PDS5A: variants seen among roughly 807,000 people sequenced by gnomAD.
PDS5A encodes the protein PDS5 cohesin associated factor A.
A neutral mutation model predicts 167.1 loss-of-function variants in PDS5A; 42 were observed. The ratio of observed to expected loss-of-function variants is 0.25; its 90% CI spans 0.20 to 0.33. The LOEUF (loss-of-function observed/expected upper bound fraction) is 0.33. PDS5A is among the 10% of genes least tolerant of loss of function. PDS5A has a pLI of 1.00. For synonymous variants in PDS5A, 553 were observed against 554.6 expected (o/e 1.00, Z 0.04); for missense variants, 1,033 against 1,605.9 (o/e 0.64, Z 6.10).
chr4:39,942,675 C>T (rs943496260), intron 2 of PDS5A, among the ~76,000 whole-genome samples: 7 of 152,112 alleles, frequency 4.6e-5, no homozygotes, highest in East Asian at 3.8e-4. Flanking sequence ...ATACACCTGC[C>T]GAGGCCTCCC....
chr4:39,952,725 A>ATTTTT (rs35943320), intron 2 of PDS5A, among the ~76,000 whole-genome samples: 1 of 128,268 alleles, frequency 7.8e-6, no homozygotes, highest in African/African-American at 2.9e-5. Context: ...CAGATCTGGA[A>ATTTTT]TTTTTTTTTT....
rs530938310 is a variant in PDS5A at position 39,845,885 on chromosome 4, TAA to T, written c.3340-7_3340-6del. ...ACTCTTATCGTTACAGAAGTCCTAT[TAA>T]AAAAAAAAAAGAAAAAGAAAAAAGA... On this transcript the variant is annotated splice_region_variant and splice_polypyrimidine_tract_variant and intron_variant, in intron 28 of 32. Transcript: ENST00000303538. The T allele has an allele frequency of 1.5e-4, 155 of 1,002,458 alleles. No homozygotes were observed. The highest frequency in any genetic ancestry group is 6.6e-4 in the South Asian group (27 of 40,930). 62.1% of individuals were successfully genotyped at this position (1,002,458 alleles called of 1,614,324 possible).
chr4:39,913,532 T>C (rs1578729281), intron 9 of PDS5A, 79 bp downstream of exon 9: 2 of 716,954 alleles, frequency 2.8e-6, no homozygotes, highest in East Asian at 2.5e-5. Context: ...AGTTTTGATA[T>C]GTATAGTTTT....
intron 26 of PDS5A, 34 bp from the exon 27 acceptor site, chr4:39,849,686 G>A (rs1266640282): frequency 2.6e-6 from 4 of 1,522,450 alleles, no homozygotes; most frequent in Middle Eastern, 1.7e-4. Flanking sequence ...ACTAGACGTA[G>A]ATAGATGCTT....
At position 39,900,298 on chromosome 4, in the gene PDS5A, T is replaced by C. The variant is rs1560466315; in HGVS notation, c.1581+128A>G. 20 of 615,058 alleles carry C rather than the reference T, an allele frequency of 3.3e-5. No individual in the cohort carries two copies. In the South Asian group the frequency reaches 4.0e-4, roughly 12 times the overall value. The allele number at this position is 615,058 out of a possible 1,614,324, so 38.1% of individuals were successfully genotyped here. A position where few individuals can be genotyped will look rare whatever the true frequency, so the allele number is the denominator to read the frequency against. On this transcript the variant is annotated intron_variant, in intron 14 of 32. Transcript: ENST00000303538. ...AATTTAGCTTGGACAACTACAGAAA[T>C]TATATTTAACTGACATTTGGAAAAT...
intron 2 of PDS5A, among the ~76,000 whole-genome samples, chr4:39,957,378 T>G (rs1729022695): frequency 6.6e-6 from 1 of 152,028 alleles, no homozygotes. Flanking sequence ...ATATTATAAT[T>G]AAGTACATAA....
chr4:39,908,829 C>T lies in PDS5A; in HGVS notation c.1088-289G>A, dbSNP rs746428425. On this transcript the variant is annotated intron_variant, in intron 10 of 32. Transcript: ENST00000303538. ...GGTCGCACAAGCTCAAGAGTTCATA[C>T]CAGCTTAGGCAACATGGCAAAACCC... is the stretch of plus-strand genomic sequence containing the variant. The T allele has an allele frequency of 2.1e-5, 6 of 286,294 alleles. No individual in the cohort carries two copies. In the East Asian group the frequency reaches 3.9e-4, roughly 19 times the overall value. 17.7% of individuals were successfully genotyped at this position (286,294 alleles called of 1,614,324 possible).
At chr4:39,952,869 C>CA (rs1728548072) in intron 2 of PDS5A, among the ~76,000 whole-genome samples, 1 of 152,034 alleles carries the variant, frequency 6.6e-6, no homozygotes, top group South Asian at 2.1e-4. Flanking sequence ...GCTTGGATTA[C>CA]AAGTGCCCAC....
intron 2 of PDS5A, among the ~76,000 whole-genome samples, chr4:39,970,790 CTTTTTTTT>C (rs35223238): frequency 5.1e-4 from 45 of 88,498 alleles, no homozygotes; most frequent in Middle Eastern, 8.3e-3. Flanking sequence ...CCGCTTGTTC[CTTTTTTTT>C]TTTTTTTTTT....
At chr4:39,904,362 G>A (rs558517119) in intron 11 of PDS5A, among the ~76,000 whole-genome samples, 171 bp from the exon 12 acceptor site, 9 of 151,512 alleles carry the variant, frequency 5.9e-5, no homozygotes, top group South Asian at 2.1e-4. Flanking sequence ...TTTTTGAGAC[G>A]GAGTCTCACT....
At chr4:39,903,597 T>C (rs1723060046) in intron 12 of PDS5A, among the ~76,000 whole-genome samples, 1 of 152,244 alleles carries the variant, frequency 6.6e-6, no homozygotes, top group South Asian at 2.1e-4. Context: ...GTTAACTCAA[T>C]AGTGCTCTCT....
chr4:39,836,427 T>C (rs1472072629), intron 32 of PDS5A, among the ~76,000 whole-genome samples: 1 of 152,098 alleles, frequency 6.6e-6, no homozygotes, highest in Admixed American at 6.6e-5. Context: ...CAGAATTCCG[T>C]AAATGCTAAT....
chr4:39,869,008 A>T (rs1719786316), intron 22 of PDS5A, among the ~76,000 whole-genome samples: 1 of 152,202 alleles, frequency 6.6e-6, no homozygotes, highest in African/African-American at 2.4e-5. Flanking sequence ...GTCATTCTAT[A>T]AACAGTCTCT....
chr4:39,927,941 G>A lies in PDS5A; in HGVS notation c.342+20C>T, dbSNP rs762202292. ...AGTGGTGAATGAAAAATACAATAAAGTGAAAAAGGCTGTATTTACCTTAAG... is the reference window on the plus strand; with the variant it reads ...AGTGGTGAATGAAAAATACAATAAAATGAAAAAGGCTGTATTTACCTTAAG... On this transcript the variant is annotated intron_variant, in intron 3 of 32. Transcript: ENST00000303538. 3.2e-6 allele frequency: 5 copies of A among 1,544,724 alleles called. No homozygotes were observed. The highest frequency in any genetic ancestry group is 4.5e-6 in the Non-Finnish European group (5 of 1,117,540).
intron 32 of PDS5A, chr4:39,837,531 G>A: frequency 4.6e-6 from 1 of 215,582 alleles, no homozygotes. Flanking sequence ...TATCCAAAAG[G>A]TAGCCCTTAT....
intron 2 of PDS5A, among the ~76,000 whole-genome samples, chr4:39,959,770 C>A (rs1729304567): frequency 6.6e-6 from 1 of 151,866 alleles, no homozygotes; most frequent in Admixed American, 6.6e-5. Flanking sequence ...GCCTGGCCAA[C>A]AAGGTGAAAG....
At chr4:39,919,605 A>G (rs1560483710) in intron 7 of PDS5A, among the ~76,000 whole-genome samples, 2 of 152,228 alleles carry the variant, frequency 1.3e-5, no homozygotes. Flanking sequence ...AGAATGCACC[A>G]CTGCACTCCA....
intron 17 of PDS5A, among the ~76,000 whole-genome samples, chr4:39,889,913 C>T (rs1721816924): frequency 6.6e-6 from 1 of 152,130 alleles, no homozygotes; most frequent in African/African-American, 2.4e-5. Flanking sequence ...TATTACAGGG[C>T]CATTAAAATG....
At chr4:39,887,274 A>G (rs1230197991) in intron 17 of PDS5A, among the ~76,000 whole-genome samples, 2 of 152,118 alleles carry the variant, frequency 1.3e-5, no homozygotes, top group African/African-American at 2.4e-5. Flanking sequence ...TATTATTTTG[A>G]GGTATGTTCC....
Sources: gnomAD v4.1 joint callset for allele counts (sites outside exome capture counted in the v4.1 genomes callset) on GRCh38, gnomAD v4.1.1 for gene constraint, MANE v1.5 for transcripts, NCBI Gene and HGNC (gene_info 2026-07-23, HGNC 2026-07-21) for gene names.